ADGRA1: variants seen among roughly 807,000 people sequenced by gnomAD.
ADGRA1 encodes G-protein coupled receptor 123.
Under a neutral mutation model 21.3 loss-of-function variants are expected in ADGRA1, and 12 were observed. That is an observed-to-expected ratio of 0.56 (90% CI 0.36 to 0.91). ADGRA1 has a LOEUF of 0.91. Among genes scored for constraint, ADGRA1 ranks in the 40% least tolerant of loss-of-function variants. The pLI, the probability that ADGRA1 is intolerant of heterozygous loss-of-function variation, is 0.01. For missense variants in ADGRA1, 790 were observed against 805.6 expected, an observed-to-expected ratio of 0.98 and a Z score of 0.23; for synonymous variants, 385 against 368.8, an observed-to-expected ratio of 1.04 and a Z score of -0.50.
rs1851698800 is a variant in ADGRA1, at chr10:133,096,902, AGGCTCAGGCGAC to A, written c.4-68_4-57del. ...GCAGGGGAAGCCGAGCCCCAAGGGT[AGGCTCAGGCGAC>A]GGCGCCGCCCACACAGACCCACCAG... is the stretch of plus-strand genomic sequence containing the variant. On this transcript the variant is annotated intron_variant, in intron 2 of 6. Transcript: ENST00000392607. 2.6e-6 allele frequency: 4 copies of A among 1,533,490 alleles called. No individual in the cohort carries two copies. The Admixed American group carries it at 7.2e-5, about 28-fold the overall frequency. The allele number at this position is 1,533,490 out of a possible 1,614,324, so 95.0% of individuals were successfully genotyped here. A position where few individuals can be genotyped will look rare whatever the true frequency, so the allele number is the denominator to read the frequency against.
chr10:133,121,823 A>G (rs1852270425), intron 5 of ADGRA1, among the ~76,000 whole-genome samples: 2 of 124,594 alleles, frequency 1.6e-5, no homozygotes, highest in East Asian at 2.5e-4. Context: ...GTGTGTGTGC[A>G]TGCCTGTGCA....
At position 133,111,198 on chromosome 10, in the gene ADGRA1, T is replaced by C. The variant is rs61032686; in HGVS notation, c.401+8356T>C. Among the ~76,000 whole-genome samples the C allele has an allele frequency of 1.2e-3, 29 of 23,302 alleles. 1 individual carries two copies. The highest frequency in any genetic ancestry group is 5.8e-3 in the African/African-American group (15 of 2,570). The allele number at this position is 23,302 out of a possible 152,430, so 15.3% of individuals were successfully genotyped here. ...CCGTGAGCACCTCCCTCCTAATCCC[T>C]CCAGACAACCTGCCCACCACAGGCA... On this transcript the variant is annotated intron_variant, in intron 5 of 6. Transcript: ENST00000392607.
At chr10:133,118,156 C>G (rs1175413410) in intron 5 of ADGRA1, among the ~76,000 whole-genome samples, 4 of 152,236 alleles carry the variant, frequency 2.6e-5, no homozygotes, top group Non-Finnish European at 5.9e-5. Context: ...GCCCCACCAG[C>G]CTCTTCCTGC....
chr10:133,094,103 C>G (rs951094099), intron 2 of ADGRA1, among the ~76,000 whole-genome samples: 1 of 152,280 alleles, frequency 6.6e-6, no homozygotes, highest in Non-Finnish European at 1.5e-5. Flanking sequence ...CACGCCTGCC[C>G]TTGCCGCCTC....
chr10:133,111,976 G>GTGA lies in ADGRA1; in HGVS notation c.401+9134_401+9135insTGA, dbSNP rs1564849717. ...CCCTCCAGACCACCTGCCCACCACA[G>GTGA]GCACCTCCCTCCTAATGCCTCCAGA... On this transcript the variant is annotated intron_variant, in intron 5 of 6. Coordinates refer to ENST00000392607, the MANE Select transcript of ADGRA1 (RefSeq NM_001083909.3). Among the ~76,000 whole-genome samples, 29 of 76,912 alleles carry GTGA rather than the reference G, an allele frequency of 3.8e-4. 4 individuals carry two copies. Among genetic ancestry groups the GTGA allele is most frequent in the African/African-American group, 6.2e-4 (11 of 17,862 alleles). 50.5% of individuals were successfully genotyped at this position (76,912 alleles called of 152,430 possible).
chr10:133,117,466 C>T (rs1042061155), intron 5 of ADGRA1, among the ~76,000 whole-genome samples: 3 of 152,212 alleles, frequency 2.0e-5, no homozygotes, highest in Non-Finnish European at 4.4e-5. Context: ...CTGGGAGGTC[C>T]GGTGCACTGT....
intron 5 of ADGRA1, among the ~76,000 whole-genome samples, chr10:133,106,095 C>A (rs1321204509): frequency 6.6e-6 from 1 of 152,230 alleles, no homozygotes; most frequent in African/African-American, 2.4e-5. Context: ...CACAGCCAGG[C>A]CCTCAGAACC....
chr10:133,090,658 G>A (rs1263163529), intron 2 of ADGRA1, among the ~76,000 whole-genome samples: 2 of 152,304 alleles, frequency 1.3e-5, no homozygotes, highest in Middle Eastern at 3.4e-3. Context: ...AAGGAAGCCT[G>A]GAGGCCGTGG....
intron 5 of ADGRA1, among the ~76,000 whole-genome samples, chr10:133,123,981 G>C (rs1015735228): frequency 1.3e-5 from 2 of 152,214 alleles, no homozygotes; most frequent in Non-Finnish European, 2.9e-5. Context: ...GAACGTGGAT[G>C]TCTGGGGGTG....
At chr10:133,114,195 A>C (rs1852113779) in intron 5 of ADGRA1, among the ~76,000 whole-genome samples, 3 of 152,336 alleles carry the variant, frequency 2.0e-5, no homozygotes, top group Middle Eastern at 6.8e-3. Context: ...AGCAGAGGGC[A>C]CTGGAGCTTC....
chr10:133,116,126 T>A (rs1368142422), intron 5 of ADGRA1, among the ~76,000 whole-genome samples: 1 of 151,242 alleles, frequency 6.6e-6, no homozygotes, highest in East Asian at 2.0e-4. Flanking sequence ...GGGGCATTCC[T>A]CGTGGAGCCC....
Position 133,098,971 on chromosome 10 carries a change from A to G in ADGRA1, c.255+208A>G, listed in dbSNP as rs538574352. 8.5e-5 allele frequency among the ~76,000 whole-genome samples: 13 copies of G among 152,330 alleles called. No homozygotes were observed. The East Asian group carries it at 2.5e-3, about 29-fold the overall frequency. ...TTGATTCCACTGCACCGCCCCCTCCAGGCCGGCGCTAACCTGACACTTACT... is the reference window on the plus strand; with the variant it reads ...TTGATTCCACTGCACCGCCCCCTCCGGGCCGGCGCTAACCTGACACTTACT... On this transcript the variant is annotated intron_variant, in intron 4 of 6. Coordinates refer to ENST00000392607, the MANE Select transcript of ADGRA1 (RefSeq NM_001083909.3).
chr10:133,128,225 G>C, intron 6 of ADGRA1, 104 bp from the exon 7 acceptor site: 1 of 837,726 alleles, frequency 1.2e-6, no homozygotes, highest in Non-Finnish European at 1.8e-6. Context: ...GCTGTGCAAA[G>C]CCACTCGCTA....
intron 5 of ADGRA1, among the ~76,000 whole-genome samples, chr10:133,119,544 G>C (rs1305934119): frequency 6.6e-6 from 1 of 152,194 alleles, no homozygotes; most frequent in African/African-American, 2.4e-5. Context: ...ACTCTGCCAC[G>C]GCTTGGTCAA....
chr10:133,088,201 A>G (rs1254106340), intron 1 of ADGRA1, 63 bp downstream of exon 1: 5 of 794,236 alleles, frequency 6.3e-6, no homozygotes, highest in African/African-American at 1.9e-5. Context: ...TCGGCAGAAA[A>G]GCTCGCGCCC....
rs1456831251 is a variant in ADGRA1, at chr10:133,102,907, G to A, written c.401+65G>A. On this transcript the variant is annotated intron_variant, in intron 5 of 6. Transcript: ENST00000392607. ...CCCTGGACGCTGCATGCACCTTCTG[G>A]GTCTTGGCAAACCTTCTCACCAGGC... is the stretch of plus-strand genomic sequence containing the variant. The A allele has an allele frequency of 3.3e-6, 5 of 1,533,478 alleles. No homozygotes were observed. The East Asian group carries it at 6.9e-5, about 21-fold the overall frequency. 95.0% of individuals were successfully genotyped at this position (1,533,478 alleles called of 1,614,324 possible). A position where few individuals can be genotyped will look rare whatever the true frequency, so the allele number is the denominator to read the frequency against.
intron 5 of ADGRA1, among the ~76,000 whole-genome samples, chr10:133,104,424 C>T (rs981698834): frequency 6.6e-6 from 1 of 152,234 alleles, no homozygotes; most frequent in Non-Finnish European, 1.5e-5. Context: ...CACCCCGGCG[C>T]TCTTCCATCC....
chr10:133,120,112 C>A (rs1044633335), intron 5 of ADGRA1, among the ~76,000 whole-genome samples: 3 of 152,334 alleles, frequency 2.0e-5, no homozygotes, highest in Admixed American at 1.3e-4. Context: ...CATTGCAAAT[C>A]TCTTATTTAG....
At chr10:133,111,099 TC>T (rs1419390593) in intron 5 of ADGRA1, among the ~76,000 whole-genome samples, 8 of 150,250 alleles carry the variant, frequency 5.3e-5, no homozygotes, top group South Asian at 2.1e-4. Flanking sequence ...CATGGGCAGC[TC>T]CCCTCCTAAT....
Sources: allele counts gnomAD v4.1 joint callset (sites outside exome capture counted in the v4.1 genomes callset), GRCh38; gene constraint gnomAD v4.1.1; transcripts MANE v1.5; gene names NCBI Gene and HGNC (gene_info 2026-07-23, HGNC 2026-07-21).